The following LRRC61 variants were observed in gnomAD, a reference collection of about 807,000 sequenced individuals.
The protein encoded by LRRC61 is leucine rich repeat containing 61.
A neutral mutation model predicts 15.1 loss-of-function variants in LRRC61; 9 were observed. That is an observed-to-expected ratio of 0.60 (90% CI 0.36 to 1.04). The LOEUF is 1.04. Ranked by LOEUF, LRRC61 falls within the 50% of genes least tolerant of loss-of-function variation. The pLI is 0.01. For missense variants in LRRC61, 344 were observed against 335.6 expected (o/e 1.03, Z -0.20); for synonymous variants, 173 against 158.6 (o/e 1.09, Z -0.68).
chr7:150,312,045 T>C, the LRRC61 span, among the ~76,000 whole-genome samples: 1 of 152,220 alleles, frequency 6.6e-6, no homozygotes, highest in Non-Finnish European at 1.5e-5. Flanking sequence ...GGTCATTCAC[T>C]GTAAAGGACA....
intron 2 of LRRC61, among the ~76,000 whole-genome samples, chr7:150,327,712 T>G (rs563639821): frequency 2.6e-5 from 4 of 151,866 alleles, no homozygotes; most frequent in Non-Finnish European, 5.9e-5. Flanking sequence ...TTCCAGCTAC[T>G]TGGGAGCTGA....
upstream of LRRC61, among the ~76,000 whole-genome samples, chr7:150,322,339 C>A (rs988918443): frequency 1.3e-5 from 2 of 152,242 alleles, no homozygotes; most frequent in African/African-American, 4.8e-5. Flanking sequence ...AGATACAGGT[C>A]ATACAGACCT....
chr7:150,314,767 T>G, the LRRC61 span, among the ~76,000 whole-genome samples: 1 of 128,104 alleles, frequency 7.8e-6, no homozygotes, highest in Admixed American at 8.4e-5. Flanking sequence ...AAATCCCATC[T>G]CTCCAAAAAA....
intron 2 of LRRC61, chr7:150,331,576 T>C (rs2129618296): frequency 5.8e-6 from 1 of 172,212 alleles, no homozygotes; most frequent in Admixed American, 6.2e-5. Flanking sequence ...ACTCTCTTCG[T>C]AGGTGACTGT....
Position 150,323,540 on chromosome 7 carries a change from G to T in LRRC61, c.-335G>T, listed in dbSNP as rs977557643. 3 of 437,226 alleles carry T rather than the reference G, an allele frequency of 6.9e-6. No individual in the cohort carries two copies. Among genetic ancestry groups the T allele is most frequent in the Admixed American group, 5.0e-5 (2 of 39,936 alleles). The allele number at this position is 437,226 out of a possible 1,614,324, so 27.1% of individuals were successfully genotyped here. On this transcript the variant is annotated 5_prime_UTR_variant, in exon 1 of 3. Transcript: ENST00000359623. ...CCCAGCTTGGCCAGTGGCTCCGCAG[G>T]CTGCCGGCTCCACCCCTCAGGTAAG... is the stretch of plus-strand genomic sequence containing the variant.
chr7:150,321,060 TAGCA>T (rs1487905005), upstream of LRRC61, among the ~76,000 whole-genome samples: 1 of 152,216 alleles, frequency 6.6e-6, no homozygotes, highest in Non-Finnish European at 1.5e-5. Context: ...AGTTCAGTTT[TAGCA>T]AGAATCCTGC....
Position 150,330,486 on chromosome 7 carries a change from G to C in LRRC61, c.-145+4476G>C. ...GCTGCGCTACCTGCACATCTTCCTGGAGCAGGTTCACACACACTTTCAGGA... is the reference window on the plus strand; with the variant it reads ...GCTGCGCTACCTGCACATCTTCCTGCAGCAGGTTCACACACACTTTCAGGA... On this transcript the variant is annotated intron_variant, in intron 2 of 2. Coordinates refer to ENST00000359623, the MANE Select transcript of LRRC61 (RefSeq NM_001142928.2). The surrounding 1 kb of genome is among the most constrained non-coding windows in gnomAD (Gnocchi z 4.6). 1.3e-6 allele frequency: 1 copy of C among 780,208 alleles called. No homozygotes were observed. Among genetic ancestry groups the C allele is most frequent in the Non-Finnish European group, 2.4e-6 (1 of 418,132 alleles). 48.3% of individuals were successfully genotyped at this position (780,208 alleles called of 1,614,324 possible).
rs1288901155 is a variant in LRRC61, at chr7:150,330,825, G to A, written c.-145+4815G>A. On this transcript the variant is annotated intron_variant, in intron 2 of 2. Transcript: ENST00000359623. This position sits in a 1 kb window ranked among gnomAD's most constrained non-coding sequence, Gnocchi z 4.6. ...CCCCACCAGGGTAGCCAAGAGCTCC[G>A]GGGTGGAGGGGAGAAGCCAGGGGGA... 14 of 1,609,382 alleles carry A rather than the reference G, an allele frequency of 8.7e-6. No individual in the cohort carries two copies. Among genetic ancestry groups the A allele is most frequent in the East Asian group, 2.2e-5 (1 of 44,802 alleles).
chr7:150,327,273 G>A (rs1322241153), intron 2 of LRRC61, among the ~76,000 whole-genome samples: 1 of 152,086 alleles, frequency 6.6e-6, no homozygotes, highest in African/African-American at 2.4e-5. Flanking sequence ...AAATGGGAAA[G>A]GAAGTACCTG....
In LRRC61 at chr7:150,337,246, C is replaced by T. The variant is rs1233150352; in HGVS notation, c.385C>T (p.Leu129Phe). The change falls in exon 3 of 3, where the codon CTC becomes TTC. Residue 129 changes from leucine (L) to phenylalanine (F), a missense_variant. Transcript: ENST00000359623. ...AGLPCLEYLR[L>F]RDPLARLSNP... ...GCTACCGTGCCTGGAGTACCTGCGG[C>T]TCCGAGACCCTTTGGCCCGGCTCAG... 1.9e-6 allele frequency: 3 copies of T among 1,604,000 alleles called. No homozygotes were observed. The highest frequency in any genetic ancestry group is 2.5e-6 in the Non-Finnish European group (3 of 1,179,926).
At chr7:150,318,684 C>A (rs925574985), upstream of LRRC61, among the ~76,000 whole-genome samples, 1 of 152,134 alleles carries the variant, frequency 6.6e-6, no homozygotes, top group South Asian at 2.1e-4. Flanking sequence ...ATCGCTTGAA[C>A]CCGAAGAGCC....
intron 2 of LRRC61, among the ~76,000 whole-genome samples, chr7:150,328,375 T>C (rs965856001): frequency 1.3e-5 from 2 of 152,166 alleles, no homozygotes; most frequent in African/African-American, 4.8e-5. Context: ...ACAAAAAAGT[T>C]TGTAAACAAT....
the LRRC61 span, among the ~76,000 whole-genome samples, chr7:150,315,926 G>A: frequency 6.6e-6 from 1 of 152,092 alleles, no homozygotes; most frequent in Non-Finnish European, 1.5e-5. Context: ...GGCCGGCCGC[G>A]GTGGCTCACG....
rs900761057 is a variant in LRRC61, at chr7:150,333,803, G to A, written c.-144-2915G>A. On this transcript the variant is annotated intron_variant, in intron 2 of 2. Coordinates refer to ENST00000359623, the MANE Select transcript of LRRC61 (RefSeq NM_001142928.2). This position sits in a 1 kb window ranked among gnomAD's most constrained non-coding sequence, Gnocchi z 4.3. ...TCCTCCTTGTGTCTGCGGGCAGCCT[G>A]ATGGTTAGTTGGGTCTGCACAGGTG... The A allele has an allele frequency of 4.3e-6, 3 of 699,288 alleles. No homozygotes were observed. The highest frequency in any genetic ancestry group is 5.3e-6 in the Non-Finnish European group (3 of 568,988). 43.3% of individuals were successfully genotyped at this position (699,288 alleles called of 1,614,324 possible).
the LRRC61 span, among the ~76,000 whole-genome samples, chr7:150,309,756 C>T: frequency 1.6e-4 from 25 of 152,274 alleles, no homozygotes; most frequent in African/African-American, 5.1e-4. Context: ...ACTTCTAGGG[C>T]CCCTGGAGCT....
chr7:150,337,062 C>T lies in LRRC61; in HGVS notation c.201C>T (p.His67=), dbSNP rs760174254. Residue 67 remains histidine (H), a synonymous_variant, in exon 3 of 3, where the codon CAC becomes CAT. Coordinates refer to ENST00000359623, the MANE Select transcript of LRRC61 (RefSeq NM_001142928.2). ...ACCTATCAGGCAACGCGCTCACCCA[C>T]CTGGGCCCGCTGGCCTCCTTGCGCC... ...WLDLSGNALT[H]LGPLASLRQL... is the part of the protein sequence containing the mutation. 1.9e-6 allele frequency: 3 copies of T among 1,613,104 alleles called. No individual in the cohort carries two copies. The highest frequency in any genetic ancestry group is 2.2e-5 in the South Asian group (2 of 91,078).
rs1369004715 is a variant in LRRC61, at chr7:150,335,936, GT to G, written c.-144-780del. On this transcript the variant is annotated intron_variant, in intron 2 of 2. Transcript: ENST00000359623. This position sits in a 1 kb window ranked among gnomAD's most constrained non-coding sequence, Gnocchi z 4.3. ...ACAGCCTGCCCTTTGGGAAATTTATGTTGTCTTTGCAGCTGGCACCGTGCTG... is the reference window on the plus strand; with the variant it reads ...ACAGCCTGCCCTTTGGGAAATTTATGTGTCTTTGCAGCTGGCACCGTGCTG... Among the ~76,000 whole-genome samples the G allele has an allele frequency of 6.6e-6, 1 of 152,302 alleles. No homozygotes were observed. The highest frequency in any genetic ancestry group is 2.4e-5 in the African/African-American group (1 of 41,566).
At chr7:150,334,383 G>A (rs1365440829) in intron 2 of LRRC61, among the ~76,000 whole-genome samples, 1 of 131,940 alleles carries the variant, frequency 7.6e-6, no homozygotes, top group Non-Finnish European at 1.5e-5. Flanking sequence ...TCACAGACTC[G>A]TTCATTCAGC....
upstream of LRRC61, among the ~76,000 whole-genome samples, chr7:150,320,210 A>T (rs1368460620): frequency 6.6e-6 from 1 of 152,270 alleles, no homozygotes; most frequent in Admixed American, 6.5e-5. Context: ...CGCAAAGTAC[A>T]GTAAAGTTTA....
Sources: gnomAD v4.1 joint callset for allele counts (sites outside exome capture counted in the v4.1 genomes callset) on GRCh38, gnomAD v4.1.1 for gene constraint, Gnocchi (gnomAD v3.1) non-coding constraint, MANE v1.5 for transcripts, NCBI Gene and HGNC (gene_info 2026-07-23, HGNC 2026-07-21) for gene names.